The following NTMT2 variants were observed in gnomAD, a reference collection of about 807,000 sequenced individuals.
The protein encoded by NTMT2 is X-Pro-Lys N-terminal protein methyltransferase 1B.
In NTMT2, 21 loss-of-function variants were observed where a neutral mutation model predicts 23.4. The observed-to-expected ratio is 0.90, with a 90% confidence interval of 0.64 to 1.29. The LOEUF is 1.29. Ranked by LOEUF, NTMT2 falls within the 50% of genes most tolerant of loss-of-function variation. The pLI is 0.00. For synonymous variants in NTMT2, 131 were observed against 127.7 expected (o/e 1.03, Z -0.17); for missense variants, 336 against 352.0 (o/e 0.95, Z 0.36).
chr1:170,154,286 T>C (rs1673122909), intron 1 of NTMT2, among the ~76,000 whole-genome samples: 4 of 152,098 alleles, frequency 2.6e-5, no homozygotes. Context: ...TTTACTAGTG[T>C]GGAGGAGAAA....
intron 1 of NTMT2, among the ~76,000 whole-genome samples, chr1:170,151,957 C>T (rs1673077970): frequency 6.6e-6 from 1 of 151,964 alleles, no homozygotes; most frequent in Admixed American, 6.6e-5. Flanking sequence ...TTGAGTATGC[C>T]TAATTGGGAG....
At position 170,146,101 on chromosome 1, in the gene NTMT2, C is replaced by T. The variant is rs1202401052; in HGVS notation, c.-7C>T. On this transcript the variant is annotated 5_prime_UTR_variant, in exon 1 of 4. Transcript: ENST00000439373. ...CTCTGTAGGAATCATTATTATCCCC[C>T]TTTGTCATGGCCCACCGGGGAGCCC... The T allele has an allele frequency of 3.2e-6, 5 of 1,549,860 alleles. No homozygotes were observed. Among genetic ancestry groups the T allele is most frequent in the Non-Finnish European group, 4.4e-6 (5 of 1,146,248 alleles).
Position 170,146,011 on chromosome 1 carries a change from G to C in NTMT2, c.-97G>C, listed in dbSNP as rs2102226927. On this transcript the variant is annotated 5_prime_UTR_variant, in exon 1 of 4. It removes an upstream start codon present in the reference 5' UTR. Coordinates refer to ENST00000439373, the MANE Select transcript of NTMT2 (RefSeq NM_001136107.2). ...GATGGAGAGGGGACTGGTTTAAAAT[G>C]ACAGTCTCAAGTTCATTTAGAAAGA... is the stretch of plus-strand genomic sequence containing the variant. 1 of 1,195,866 alleles carries C rather than the reference G, an allele frequency of 8.4e-7. No individual in the cohort carries two copies. The highest frequency in any genetic ancestry group is 2.6e-5 in the East Asian group (1 of 38,560). 74.1% of individuals were successfully genotyped at this position (1,195,866 alleles called of 1,614,324 possible). A position where few individuals can be genotyped will look rare whatever the true frequency, so the allele number is the denominator to read the frequency against.
At position 170,146,072 on chromosome 1, in the gene NTMT2, C is replaced by T. The variant is rs1448190597; in HGVS notation, c.-36C>T. Reference sequence around the variant, plus strand: ...TCAAAGAAACAGCAAGGCAAGCTTCCTTTCTCTGTAGGAATCATTATTATC... The same window carrying T: ...TCAAAGAAACAGCAAGGCAAGCTTCTTTTCTCTGTAGGAATCATTATTATC... On this transcript the variant is annotated 5_prime_UTR_variant, in exon 1 of 4. Coordinates refer to ENST00000439373, the MANE Select transcript of NTMT2 (RefSeq NM_001136107.2). 1 of 1,522,382 alleles carries T rather than the reference C, an allele frequency of 6.6e-7. No individual in the cohort carries two copies. The highest frequency in any genetic ancestry group is 8.8e-7 in the Non-Finnish European group (1 of 1,133,144). 94.3% of individuals were successfully genotyped at this position (1,522,382 alleles called of 1,614,324 possible). A position where few individuals can be genotyped will look rare whatever the true frequency, so the allele number is the denominator to read the frequency against.
intron 1 of NTMT2, among the ~76,000 whole-genome samples, chr1:170,158,691 T>G (rs1457766643): frequency 6.6e-6 from 1 of 152,074 alleles, no homozygotes; most frequent in Admixed American, 6.6e-5. Flanking sequence ...TAGCTTGATC[T>G]TGGGCCTTCT....
intron 1 of NTMT2, 83 bp downstream of exon 1, chr1:170,146,344 T>G: frequency 7.6e-7 from 1 of 1,319,248 alleles, no homozygotes; most frequent in Non-Finnish European, 1.0e-6. Flanking sequence ...AGAAGAGAAT[T>G]TAAAACAAGG....
intron 2 of NTMT2, among the ~76,000 whole-genome samples, chr1:170,166,125 C>CTTTTTT (rs1420113193): frequency 1.0e-3 from 117 of 112,412 alleles, no homozygotes; most frequent in African/African-American, 1.2e-3. Flanking sequence ...AATTTTCTTT[C>CTTTTTT]TTTTTTTTTT....
intron 2 of NTMT2, among the ~76,000 whole-genome samples, chr1:170,166,170 C>G (rs1470003764): frequency 8.6e-6 from 1 of 115,688 alleles, no homozygotes; most frequent in Non-Finnish European, 1.6e-5. Flanking sequence ...GACGGAGTCT[C>G]GCTCTGTGGC....
At chr1:170,148,043 A>T (rs992718005) in intron 1 of NTMT2, among the ~76,000 whole-genome samples, 2 of 152,138 alleles carry the variant, frequency 1.3e-5, no homozygotes, top group Non-Finnish European at 2.9e-5. Context: ...CGCCCAATGT[A>T]AAATACAGGA....
chr1:170,146,349 AC>A (rs892934834), intron 1 of NTMT2, 88 bp downstream of exon 1: 9 of 1,284,468 alleles, frequency 7.0e-6, no homozygotes, highest in Non-Finnish European at 7.4e-6. Flanking sequence ...AGAATTTAAA[AC>A]AAGGACACTT....
At chr1:170,157,519 A>T (rs181678873) in intron 1 of NTMT2, among the ~76,000 whole-genome samples, 134 of 152,264 alleles carry the variant, frequency 8.8e-4, no homozygotes, top group African/African-American at 2.4e-3. Flanking sequence ...GAAAATGCTG[A>T]TGTAACTCCA....
At chr1:170,160,470 T>A (rs1351713978) in intron 1 of NTMT2, 48 bp from the exon 2 acceptor site, 1 of 1,385,782 alleles carries the variant, frequency 7.2e-7, no homozygotes, top group South Asian at 1.8e-5. Context: ...AGCTGAGATT[T>A]TTTTATCTTA....
chr1:170,152,061 T>C (rs909233010), intron 1 of NTMT2, among the ~76,000 whole-genome samples: 2 of 152,170 alleles, frequency 1.3e-5, no homozygotes, highest in African/African-American at 4.8e-5. Flanking sequence ...TGTACCCATA[T>C]ATTATTTAAA....
Position 170,146,060 on chromosome 1 carries a change from A to C in NTMT2, c.-48A>C. ...GAGAAGGCTAATTCAAAGAAACAGC[A>C]AGGCAAGCTTCCTTTCTCTGTAGGA... On this transcript the variant is annotated 5_prime_UTR_variant, in exon 1 of 4. Coordinates refer to ENST00000439373, the MANE Select transcript of NTMT2 (RefSeq NM_001136107.2). The C allele has an allele frequency of 6.6e-7, 1 of 1,505,600 alleles. No individual in the cohort carries two copies. The highest frequency in any genetic ancestry group is 8.9e-7 in the Non-Finnish European group (1 of 1,120,920). The allele number at this position is 1,505,600 out of a possible 1,614,324, so 93.3% of individuals were successfully genotyped here. A position where few individuals can be genotyped will look rare whatever the true frequency, so the allele number is the denominator to read the frequency against.
At chr1:170,153,895 T>C (rs1673116256) in intron 1 of NTMT2, among the ~76,000 whole-genome samples, 1 of 151,576 alleles carries the variant, frequency 6.6e-6, no homozygotes, top group South Asian at 2.1e-4. Context: ...ATAGCCAAGA[T>C]GATGGGGAAA....
intron 1 of NTMT2, chr1:170,151,228 T>C (rs765752812): frequency 6.5e-6 from 1 of 152,732 alleles, no homozygotes; most frequent in Non-Finnish European, 1.5e-5. Context: ...AAAATGACGA[T>C]TATAATTCTA....
At chr1:170,158,596 C>A (rs1673208988) in intron 1 of NTMT2, among the ~76,000 whole-genome samples, 1 of 151,990 alleles carries the variant, frequency 6.6e-6, no homozygotes, top group Non-Finnish European at 1.5e-5. Context: ...ATCTTACAGT[C>A]TCTTTCAGCT....
intron 2 of NTMT2, among the ~76,000 whole-genome samples, chr1:170,165,959 G>GT (rs962577095): frequency 6.6e-6 from 1 of 151,262 alleles, no homozygotes; most frequent in African/African-American, 2.4e-5. Context: ...ATGTTTAGCT[G>GT]TTTTTTGAAA....
At chr1:170,161,603 T>G (rs184114061) in intron 2 of NTMT2, 1 of 152,320 alleles carries the variant, frequency 6.6e-6, no homozygotes, top group African/African-American at 2.4e-5. Flanking sequence ...CTCTTGTGAC[T>G]AGGGCATGAC....
Sources: allele counts gnomAD v4.1 joint callset (sites outside exome capture counted in the v4.1 genomes callset), GRCh38; gene constraint gnomAD v4.1.1; transcripts MANE v1.5; gene names NCBI Gene and HGNC (gene_info 2026-07-23, HGNC 2026-07-21).